Variants in ANO3 observed in about 807,000 individuals in gnomAD.
ANO3 encodes the protein anoctamin-3.
ANO3 carries 99 observed loss-of-function variants against 144.8 expected under a neutral mutation model. That is an observed-to-expected ratio of 0.68 (90% CI 0.58 to 0.81). The LOEUF (loss-of-function observed/expected upper bound fraction) is 0.81, where lower values mean the gene tolerates loss of function less well. Ranked by LOEUF, ANO3 falls within the 30% of genes least tolerant of loss-of-function variation. The pLI is 0.00. For synonymous variants in ANO3, 414 were observed against 392.6 expected (o/e 1.05, Z -0.64); for missense variants, 905 against 1,202.2 (o/e 0.75, Z 3.66).
chr11:26,649,727 A>C (rs1236452673), intron 24 of ANO3, among the ~76,000 whole-genome samples: 2 of 132,600 alleles, frequency 1.5e-5, no homozygotes, highest in African/African-American at 5.0e-5. Flanking sequence ...ACAGGGCAAA[A>C]TTTCGTCTCA....
chr11:26,591,238 T>C (rs559797825), intron 14 of ANO3, among the ~76,000 whole-genome samples: 1 of 152,094 alleles, frequency 6.6e-6, no homozygotes, highest in East Asian at 1.9e-4. Context: ...ACTCAAGTGA[T>C]GTTGGGGAGG....
chr11:26,318,179 G>A (rs1184901027), intron 1 of ANO3, among the ~76,000 whole-genome samples: 1 of 152,052 alleles, frequency 6.6e-6, no homozygotes, highest in East Asian at 1.9e-4. Flanking sequence ...GATGGGTGCC[G>A]CAAACCACCG....
chr11:26,289,363 G>T (rs1427730806), intron 1 of ANO3, among the ~76,000 whole-genome samples: 2 of 151,294 alleles, frequency 1.3e-5, no homozygotes, highest in African/African-American at 4.8e-5. Context: ...TTTGGTGATT[G>T]TGAATATAAG....
At chr11:26,658,766 T>G (rs1590689943) in intron 26 of ANO3, among the ~76,000 whole-genome samples, 1 of 152,284 alleles carries the variant, frequency 6.6e-6, no homozygotes, top group Admixed American at 6.5e-5. Flanking sequence ...AGAAAGAAAC[T>G]TCTGATTATT....
intron 1 of ANO3, among the ~76,000 whole-genome samples, chr11:26,233,591 G>A (rs1200193916): frequency 1.3e-5 from 2 of 151,986 alleles, no homozygotes; most frequent in Non-Finnish European, 2.9e-5. Flanking sequence ...CCCATTACTG[G>A]GTATATACCC....
At chr11:26,631,385 A>G (rs1216803265) in intron 18 of ANO3, among the ~76,000 whole-genome samples, 1 of 152,100 alleles carries the variant, frequency 6.6e-6, no homozygotes, top group Non-Finnish European at 1.5e-5. Context: ...GGCAATATTT[A>G]TACATTAAAA....
intron 23 of ANO3, among the ~76,000 whole-genome samples, chr11:26,644,618 G>T (rs73436335): frequency 0.046 from 7,011 of 152,062 alleles, 518 homozygotes; most frequent in African/African-American, 0.16. Context: ...AATATAAAAA[G>T]GATTTTTGGA....
chr11:26,626,482 T>G (rs1383226742), intron 18 of ANO3, among the ~76,000 whole-genome samples: 1 of 152,186 alleles, frequency 6.6e-6, no homozygotes, highest in Non-Finnish European at 1.5e-5. Flanking sequence ...CAAGACCTAG[T>G]ACCCCTGTCA....
intron 6 of ANO3, among the ~76,000 whole-genome samples, chr11:26,519,865 A>G (rs189576911): frequency 1.3e-5 from 2 of 152,248 alleles, no homozygotes; most frequent in Admixed American, 1.3e-4. Context: ...ACACATGTTC[A>G]TTCTGCAGTA....
intron 17 of ANO3, among the ~76,000 whole-genome samples, chr11:26,618,619 T>G (rs1161980390): frequency 1.3e-5 from 2 of 152,214 alleles, no homozygotes; most frequent in African/African-American, 4.8e-5. Context: ...TAGCCTGGCC[T>G]GTGAGGCCCT....
intron 5 of ANO3, chr11:26,508,735 TAGAA>T (rs1861531970): frequency 6.5e-6 from 1 of 152,994 alleles, no homozygotes; most frequent in Non-Finnish European, 1.4e-5. Context: ...AGAAAAAAAA[TAGAA>T]AGAAGGAAAA....
chr11:26,554,364 AT>A (rs1387830774), intron 13 of ANO3, among the ~76,000 whole-genome samples: 1 of 152,038 alleles, frequency 6.6e-6, no homozygotes, highest in African/African-American at 2.4e-5. Context: ...ATTGTTGCCT[AT>A]TTTAAAAAAG....
At chr11:26,357,733 AT>A in intron 1 of ANO3, among the ~76,000 whole-genome samples, 1 of 152,140 alleles carries the variant, frequency 6.6e-6, no homozygotes, top group African/African-American at 2.4e-5. Context: ...TGGATCATTG[AT>A]TTGTATTAAA....
intron 1 of ANO3, among the ~76,000 whole-genome samples, chr11:26,246,541 A>G (rs1852799304): frequency 6.7e-6 from 1 of 150,220 alleles, no homozygotes; most frequent in Non-Finnish European, 1.5e-5. Flanking sequence ...GTTTTCATGT[A>G]CTGTTCATGT....
intron 14 of ANO3, 25 bp from the exon 15 acceptor site, chr11:26,598,340 G>T (rs748191735): frequency 7.3e-7 from 1 of 1,366,316 alleles, no homozygotes; most frequent in South Asian, 1.6e-5. Context: ...TTTGGGTAAA[G>T]AATTATCATT....
intron 14 of ANO3, among the ~76,000 whole-genome samples, chr11:26,595,652 G>C (rs293958): frequency 5.3e-5 from 8 of 151,652 alleles, no homozygotes; most frequent in East Asian, 1.9e-4. Flanking sequence ...ACCATCTGTC[G>C]TCCTGAAGGG....
At chr11:26,411,606 A>G (rs899621089) in intron 1 of ANO3, among the ~76,000 whole-genome samples, 2 of 151,994 alleles carry the variant, frequency 1.3e-5, no homozygotes, top group African/African-American at 2.4e-5. Context: ...TTTAGCCAGT[A>G]TCATCTCCAA....
intron 1 of ANO3, among the ~76,000 whole-genome samples, chr11:26,194,037 G>C (rs1851529036): frequency 1.3e-5 from 2 of 152,106 alleles, no homozygotes; most frequent in South Asian, 4.1e-4. Flanking sequence ...GAGTATTTAA[G>C]AACATTAAAT....
intron 4 of ANO3, among the ~76,000 whole-genome samples, chr11:26,480,748 C>T (rs1010629196): frequency 2.6e-5 from 4 of 151,974 alleles, no homozygotes; most frequent in African/African-American, 7.3e-5. Context: ...GTGGAGTTTG[C>T]GGTGAGCTGA....
Sources: gnomAD v4.1 joint callset for allele counts (sites outside exome capture counted in the v4.1 genomes callset) on GRCh38, gnomAD v4.1.1 for gene constraint, MANE v1.5 for transcripts, NCBI Gene and HGNC (gene_info 2026-07-23, HGNC 2026-07-21) for gene names.